FRAS1: variants seen among roughly 807,000 people sequenced by gnomAD.
FRAS1 encodes extracellular matrix organizing protein FRAS1.
A neutral mutation model predicts 435.2 loss-of-function variants in FRAS1; 290 were observed. The ratio of observed to expected loss-of-function variants is 0.67; its 90% CI spans 0.61 to 0.73. The LOEUF (loss-of-function observed/expected upper bound fraction) is 0.73. Ranked by LOEUF, FRAS1 falls within the 30% of genes least tolerant of loss-of-function variation. FRAS1 has a pLI of 0.00. For synonymous variants in FRAS1, 1,800 were observed against 1,851.0 expected (o/e 0.97, Z 0.71); for missense variants, 4,860 against 5,001.5 (o/e 0.97, Z 0.85).
intron 61 of FRAS1, among the ~76,000 whole-genome samples, chr4:78,505,585 T>C (rs968943503): frequency 6.6e-6 from 1 of 152,096 alleles, no homozygotes; most frequent in Non-Finnish European, 1.5e-5. Context: ...AATCAGGTCA[T>C]TTAAAGTCTT....
At chr4:78,447,863 TTTGTGTATGAGG>T (rs1718902026) in intron 43 of FRAS1, among the ~76,000 whole-genome samples, 178 bp from the exon 44 acceptor site, 1 of 152,164 alleles carries the variant, frequency 6.6e-6, no homozygotes. Flanking sequence ...GTCTTCTTTA[TTTGTGTATGAGG>T]CCACAGAGCA....
chr4:78,363,823 G>T, intron 21 of FRAS1, 85 bp from the exon 22 acceptor site: 1 of 1,494,524 alleles, frequency 6.7e-7, no homozygotes. Flanking sequence ...TCTCAGTGTT[G>T]GGACTTTATT....
chr4:78,095,815 T>C (rs1346688354), intron 2 of FRAS1, among the ~76,000 whole-genome samples: 1 of 152,218 alleles, frequency 6.6e-6, no homozygotes, highest in African/African-American at 2.4e-5. Context: ...ATGGGAATTA[T>C]GGGAGCTAAA....
chr4:78,136,167 G>A (rs1216755862), intron 2 of FRAS1, among the ~76,000 whole-genome samples: 1 of 152,194 alleles, frequency 6.6e-6, no homozygotes, highest in Admixed American at 6.5e-5. Context: ...CTGCAGCACT[G>A]TGTGCATGGG....
chr4:78,396,859 G>A (rs184808333), intron 29 of FRAS1, among the ~76,000 whole-genome samples: 2 of 152,280 alleles, frequency 1.3e-5, no homozygotes, highest in Admixed American at 6.5e-5. Context: ...TCTGGAATTT[G>A]AGTTGTTCTT....
chr4:78,411,342 C>T (rs939242170), intron 31 of FRAS1, among the ~76,000 whole-genome samples: 2 of 152,104 alleles, frequency 1.3e-5, no homozygotes, highest in Non-Finnish European at 2.9e-5. Context: ...GAACTCCTGA[C>T]ATCAAGTGAT....
At chr4:78,146,326 G>T (rs2110005362) in intron 2 of FRAS1, among the ~76,000 whole-genome samples, 1 of 152,100 alleles carries the variant, frequency 6.6e-6, no homozygotes, top group Admixed American at 6.5e-5. Context: ...TACTTATACT[G>T]CTATTTCTTG....
At chr4:78,133,407 G>A (rs1023738443) in intron 2 of FRAS1, among the ~76,000 whole-genome samples, 2 of 151,958 alleles carry the variant, frequency 1.3e-5, no homozygotes. Context: ...GGTAGGGAAG[G>A]TTAATGAGTA....
rs1311393510 is a variant in FRAS1, at chr4:78,102,548, C to T, written c.108+36532C>T. 3.9e-5 allele frequency among the ~76,000 whole-genome samples: 6 copies of T among 152,214 alleles called. No individual in the cohort carries two copies. In the East Asian group the frequency reaches 9.6e-4, roughly 24 times the overall value. ...CCTTAATTTTCCAAGTTAAGATGAC[C>T]CTGGCGACCATCTTTCCCAGGGGTA... On this transcript the variant is annotated intron_variant, in intron 2 of 73. Coordinates refer to ENST00000512123, the MANE Select transcript of FRAS1 (RefSeq NM_025074.7).
chr4:78,347,016 G>A (rs1730628042), intron 20 of FRAS1, among the ~76,000 whole-genome samples: 1 of 152,104 alleles, frequency 6.6e-6, no homozygotes, highest in Non-Finnish European at 1.5e-5. Context: ...CCAAGTGCAT[G>A]TGATAATCCC....
Position 78,432,490 on chromosome 4 carries a change from AGAG to A in FRAS1, c.5105_5107del (p.Glu1702del), listed in dbSNP as rs751621248. Reference sequence around the variant, plus strand: ...CAGTGACAATGCTGGAGGTGAGAGTAGAGGTGTCCCTGTCAGAAGACCGAGGGC... The same window carrying A: ...CAGTGACAATGCTGGAGGTGAGAGTAGTGTCCCTGTCAGAAGACCGAGGGC... On this transcript the variant is annotated inframe_deletion, in exon 38 of 74. Transcript: ENST00000512123. 3.7e-6 allele frequency: 6 copies of A among 1,613,398 alleles called. No homozygotes were observed. The Admixed American group carries it at 1.0e-4, about 27-fold the overall frequency.
intron 3 of FRAS1, among the ~76,000 whole-genome samples, chr4:78,244,095 C>A (rs1406313045): frequency 6.6e-6 from 1 of 152,074 alleles, no homozygotes; most frequent in Non-Finnish European, 1.5e-5. Context: ...ATTTGATGAT[C>A]ACTTTATTGA....
intron 2 of FRAS1, chr4:78,071,274 T>G (rs1740337844): frequency 6.6e-6 from 1 of 152,172 alleles, no homozygotes; most frequent in Admixed American, 6.5e-5. Flanking sequence ...AGGTGTCACT[T>G]TCATTATCTA....
At chr4:78,479,245 T>C in intron 55 of FRAS1, 129 bp from the exon 56 acceptor site, 1 of 529,350 alleles carries the variant, frequency 1.9e-6, no homozygotes, top group African/African-American at 1.9e-5. Context: ...AGGAAGGTTT[T>C]ATGTCAGAGT....
intron 38 of FRAS1, among the ~76,000 whole-genome samples, chr4:78,436,695 A>G (rs1322678917): frequency 6.6e-6 from 1 of 152,252 alleles, no homozygotes; most frequent in Non-Finnish European, 1.5e-5. Context: ...GAGTTAAAAA[A>G]AAAATTGCAA....
chr4:78,148,845 A>C (rs1225552801), intron 2 of FRAS1, among the ~76,000 whole-genome samples: 1 of 152,194 alleles, frequency 6.6e-6, no homozygotes, highest in Non-Finnish European at 1.5e-5. Flanking sequence ...AGGTTTCTGA[A>C]AGTACTGTGA....
chr4:78,268,282 C>T (rs55768753), intron 9 of FRAS1, among the ~76,000 whole-genome samples: 2,140 of 152,274 alleles, frequency 0.014, 58 homozygotes, highest in African/African-American at 0.048. Flanking sequence ...AACCCTGAGC[C>T]TAAGGAGGAA....
intron 73 of FRAS1, 127 bp downstream of exon 73, chr4:78,539,567 T>C (rs1721987087): frequency 2.1e-6 from 2 of 948,944 alleles, no homozygotes; most frequent in African/African-American, 1.7e-5. Context: ...TGCTGGCAGA[T>C]CTTTTCTTAT....
intron 53 of FRAS1, among the ~76,000 whole-genome samples, chr4:78,474,351 A>G (rs571837309): frequency 6.6e-6 from 1 of 152,330 alleles, no homozygotes; most frequent in African/African-American, 2.4e-5. Flanking sequence ...ATATTCTTTA[A>G]GTCTACATTT....
Sources: gnomAD v4.1 joint callset for allele counts (sites outside exome capture counted in the v4.1 genomes callset) on GRCh38, gnomAD v4.1.1 for gene constraint, MANE v1.5 for transcripts, NCBI Gene and HGNC (gene_info 2026-07-23, HGNC 2026-07-21) for gene names.